Variants in BLTP1 observed in about 807,000 individuals in gnomAD.
BLTP1 encodes bridge-like lipid transfer protein family member 1.
chr4:122,166,568 GT>G, the BLTP1 span, among the ~76,000 whole-genome samples: 1 of 152,048 alleles, frequency 6.6e-6, no homozygotes, highest in African/African-American at 2.4e-5. Context: ...CTCTTTTTTG[GT>G]TCCATATGAA....
At chr4:122,321,682 T>G in the BLTP1 span, among the ~76,000 whole-genome samples, 11 of 152,002 alleles carry the variant, frequency 7.2e-5, no homozygotes, top group Non-Finnish European at 1.5e-4. Flanking sequence ...CTTCCTTTTT[T>G]AAATAGAGAT....
chr4:122,309,612 A>G, the BLTP1 span: 2 of 811,282 alleles, frequency 2.5e-6, no homozygotes, highest in South Asian at 3.8e-5. Flanking sequence ...GTAACAAACC[A>G]TATTCGTGAA....
At chr4:122,217,310 T>C in the BLTP1 span, among the ~76,000 whole-genome samples, 1 of 152,202 alleles carries the variant, frequency 6.6e-6, no homozygotes, top group African/African-American at 2.4e-5. Flanking sequence ...TTTGTTCTTT[T>C]TGCTTAGTCT....
chr4:122,340,410 G>GT, the BLTP1 span, among the ~76,000 whole-genome samples: 1 of 152,058 alleles, frequency 6.6e-6, no homozygotes, highest in African/African-American at 2.4e-5. Context: ...TACAGCTTAG[G>GT]TTTTGGGTCC....
At chr4:122,264,506 C>A in the BLTP1 span, 1 of 1,308,822 alleles carries the variant, frequency 7.6e-7, no homozygotes, top group Non-Finnish European at 1.0e-6. Context: ...CAATAGTACG[C>A]ACCTTGGAAT....
chr4:122,305,855 T>C, the BLTP1 span: 1 of 1,546,916 alleles, frequency 6.5e-7, no homozygotes, highest in Non-Finnish European at 8.7e-7. Flanking sequence ...TTTATTTTAT[T>C]GAGCTTTAAA....
the BLTP1 span, chr4:122,344,989 T>C: frequency 3.8e-5 from 37 of 984,766 alleles, no homozygotes; most frequent in Non-Finnish European, 4.5e-5. Context: ...TATATAACTA[T>C]GGGCAAGTCA....
At chr4:122,171,026 A>G in the BLTP1 span, among the ~76,000 whole-genome samples, 1 of 152,280 alleles carries the variant, frequency 6.6e-6, no homozygotes, top group Admixed American at 6.5e-5. Flanking sequence ...CACCTCCCCA[A>G]CTTCTCGACT....
chr4:122,342,338 TTTTATTTA>T, the BLTP1 span, among the ~76,000 whole-genome samples: 2 of 151,354 alleles, frequency 1.3e-5, no homozygotes, highest in African/African-American at 4.9e-5. Context: ...GCTATTTTCT[TTTTATTTA>T]TTTATTTATT....
the BLTP1 span, chr4:122,209,882 C>T: frequency 6.2e-7 from 1 of 1,613,454 alleles, no homozygotes; most frequent in African/African-American, 1.3e-5. Flanking sequence ...TACATGGCAT[C>T]CAATTTATCC....
At chr4:122,159,163 T>C in the BLTP1 span, among the ~76,000 whole-genome samples, 1 of 152,158 alleles carries the variant, frequency 6.6e-6, no homozygotes, top group South Asian at 2.1e-4. Flanking sequence ...AATTCTGTTA[T>C]TAAATATGGT....
At chr4:122,185,436 T>A in the BLTP1 span, 1 of 985,200 alleles carries the variant, frequency 1.0e-6, no homozygotes, top group Non-Finnish European at 1.2e-6. Flanking sequence ...TTTAGATTAT[T>A]TCCTTAGTAG....
At chr4:122,191,993 A>G in the BLTP1 span, among the ~76,000 whole-genome samples, 1 of 152,128 alleles carries the variant, frequency 6.6e-6, no homozygotes, top group Non-Finnish European at 1.5e-5. Flanking sequence ...TAAATATTTT[A>G]TGTCAACATG....
chr4:122,339,114 T>A, the BLTP1 span: 1 of 1,389,804 alleles, frequency 7.2e-7, no homozygotes, highest in South Asian at 1.4e-5. Context: ...AAAAAATGTT[T>A]CTTAAGTTTA....
At chr4:122,334,458 A>G in the BLTP1 span, 3 of 1,612,774 alleles carry the variant, frequency 1.9e-6, no homozygotes, top group Non-Finnish European at 2.5e-6. Flanking sequence ...AGATAGTGCA[A>G]CATCTCCTCC....
At chr4:122,224,741 A>G in the BLTP1 span, 1 of 1,612,098 alleles carries the variant, frequency 6.2e-7, no homozygotes, top group Admixed American at 1.7e-5. Flanking sequence ...CCACCTTCTC[A>G]AGAATAACTT....
At chr4:122,256,021 A>G in the BLTP1 span, 2 of 975,336 alleles carry the variant, frequency 2.1e-6, no homozygotes, top group Non-Finnish European at 2.4e-6. Flanking sequence ...GGGAGAATAT[A>G]CAATCACACA....
chr4:122,325,203 G>A, the BLTP1 span: 7 of 1,570,732 alleles, frequency 4.5e-6, no homozygotes, highest in South Asian at 2.3e-5. Context: ...GAATATTGGT[G>A]TTTTATAACT....
chr4:122,197,529 A>G, the BLTP1 span: 1 of 723,702 alleles, frequency 1.4e-6, no homozygotes, highest in Non-Finnish European at 1.7e-6. Flanking sequence ...AGAACTGAGC[A>G]TAATTTACTT....
Sources: gnomAD v4.1 joint callset for allele counts (sites outside exome capture counted in the v4.1 genomes callset) on GRCh38, gnomAD v4.1.1 for gene constraint, MANE v1.5 for transcripts, NCBI Gene and HGNC (gene_info 2026-07-23, HGNC 2026-07-21) for gene names.